The following ZMYM4 variants were observed in gnomAD, a reference collection of about 807,000 sequenced individuals.
ZMYM4 encodes zinc finger MYM-type protein 4.
A neutral mutation model predicts 183.2 loss-of-function variants in ZMYM4; 31 were observed. That is an observed-to-expected ratio of 0.17 (90% CI 0.13 to 0.23). The LOEUF is 0.23. Among genes scored for constraint, ZMYM4 ranks in the 10% least tolerant of loss-of-function variants. The pLI, the probability that ZMYM4 is intolerant of heterozygous loss-of-function variation, is 1.00. For missense variants in ZMYM4, 1,273 were observed against 1,840.3 expected, an observed-to-expected ratio of 0.69 and a Z score of 5.64; for synonymous variants, 592 against 631.2, an observed-to-expected ratio of 0.94 and a Z score of 0.93.
intron 2 of ZMYM4, among the ~76,000 whole-genome samples, chr1:35,356,685 C>G (rs1040952599): frequency 1.8e-4 from 27 of 152,132 alleles, no homozygotes; most frequent in Admixed American, 1.8e-3. Context: ...CTATCTCTTT[C>G]ATCATTTTAT....
intron 23 of ZMYM4, among the ~76,000 whole-genome samples, chr1:35,400,838 A>G (rs1644894630): frequency 6.6e-6 from 1 of 152,192 alleles, no homozygotes; most frequent in Admixed American, 6.5e-5. Context: ...GCCTTTTCTG[A>G]AATTTCACAT....
chr1:35,361,859 G>A (rs900799660), intron 5 of ZMYM4, 70 bp downstream of exon 5: 43 of 1,535,960 alleles, frequency 2.8e-5, no homozygotes, highest in East Asian at 9.1e-5. Flanking sequence ...GAGAGAGGAA[G>A]TGCTTAAGAA....
intron 2 of ZMYM4, among the ~76,000 whole-genome samples, chr1:35,334,191 TGCCTGTAGTCCCA>T (rs1642879578): frequency 6.6e-6 from 1 of 152,092 alleles, no homozygotes; most frequent in Admixed American, 6.6e-5. Context: ...TGGGGGCACA[TGCCTGTAGTCCCA>T]GCTACTTGAG....
chr1:35,280,883 A>G (rs1343731299), intron 1 of ZMYM4, among the ~76,000 whole-genome samples: 1 of 152,166 alleles, frequency 6.6e-6, no homozygotes, highest in African/African-American at 2.4e-5. Flanking sequence ...ATGAAGTCAT[A>G]TTCTGAGGAT....
intron 7 of ZMYM4, among the ~76,000 whole-genome samples, chr1:35,380,997 G>A (rs1644446978): frequency 6.6e-6 from 1 of 152,072 alleles, no homozygotes; most frequent in South Asian, 2.1e-4. Context: ...ATCATTTGAT[G>A]TTTTCCTTTT....
chr1:35,294,537 A>G (rs1429823505), intron 1 of ZMYM4, among the ~76,000 whole-genome samples: 1 of 152,138 alleles, frequency 6.6e-6, no homozygotes, highest in African/African-American at 2.4e-5. Flanking sequence ...CTTAAATATG[A>G]TACTGGTATG....
At chr1:35,282,780 T>G (rs933148594) in intron 1 of ZMYM4, among the ~76,000 whole-genome samples, 11 of 152,088 alleles carry the variant, frequency 7.2e-5, no homozygotes, top group Non-Finnish European at 1.6e-4. Context: ...GGTCTTGAAC[T>G]CCTGAGCTCA....
intron 2 of ZMYM4, among the ~76,000 whole-genome samples, chr1:35,352,262 C>CGT (rs1643639984): frequency 3.4e-5 from 2 of 58,810 alleles, no homozygotes. Context: ...AGCGCGCACG[C>CGT]GCGCGCGCAC....
chr1:35,269,663 T>C (rs935905025), intron 1 of ZMYM4, among the ~76,000 whole-genome samples: 1 of 152,184 alleles, frequency 6.6e-6, no homozygotes, highest in Non-Finnish European at 1.5e-5. Context: ...CTACTATGAA[T>C]GTCATGTTCT....
intron 2 of ZMYM4, among the ~76,000 whole-genome samples, chr1:35,344,234 A>G (rs1417782876): frequency 6.6e-6 from 1 of 151,792 alleles, no homozygotes; most frequent in Non-Finnish European, 1.5e-5. Flanking sequence ...TTATATTTTT[A>G]GTAGAGATGG....
intron 1 of ZMYM4, among the ~76,000 whole-genome samples, chr1:35,274,103 G>A (rs759918140): frequency 6.6e-6 from 1 of 152,006 alleles, no homozygotes; most frequent in African/African-American, 2.4e-5. Flanking sequence ...TCTCTTTTCT[G>A]TCTTTTTGCT....
chr1:35,389,557 A>G lies in ZMYM4; in HGVS notation c.2437-391A>G, dbSNP rs1205816759. ...ATCATGAGGTTAGGAGATCGAGACC[A>G]TCCTGGCTAACATGGTGAAACCCCG... On this transcript the variant is annotated intron_variant, in intron 14 of 29. Transcript: ENST00000314607. The surrounding 1 kb of genome is among the most constrained non-coding windows in gnomAD (Gnocchi z 4.0). Among the ~76,000 whole-genome samples the G allele has an allele frequency of 6.6e-6, 1 of 152,048 alleles. No individual in the cohort carries two copies. The highest frequency in any genetic ancestry group is 1.5e-5 in the Non-Finnish European group (1 of 68,000).
In ZMYM4 at chr1:35,297,372, G is replaced by A. The variant is rs1641070945; in HGVS notation, c.40-27988G>A. 1.3e-5 allele frequency among the ~76,000 whole-genome samples: 2 copies of A among 151,990 alleles called. 1 individual carries two copies. The highest frequency in any genetic ancestry group is 4.2e-4 in the South Asian group (2 of 4,818). On this transcript the variant is annotated intron_variant, in intron 1 of 29. Coordinates refer to ENST00000314607, the MANE Select transcript of ZMYM4 (RefSeq NM_005095.3). ...GCCAGGCATTTTGGCTTACACCTGA[G>A]GGTGAGATGGGAGGATGGTTTGAGC...
chr1:35,283,062 C>CATCTCA (rs1341091616), intron 1 of ZMYM4, among the ~76,000 whole-genome samples: 1 of 118,922 alleles, frequency 8.4e-6, no homozygotes, highest in Admixed American at 1.1e-4. Flanking sequence ...GCAGTGGTGC[C>CATCTCA]ATCTCACCAC....
At chr1:35,311,113 T>A (rs554855240) in intron 1 of ZMYM4, among the ~76,000 whole-genome samples, 1 of 152,198 alleles carries the variant, frequency 6.6e-6, no homozygotes, top group South Asian at 2.1e-4. Flanking sequence ...TAGTTTTGTG[T>A]TTTTGAGAAT....
At position 35,406,671 on chromosome 1, in the gene ZMYM4, A is replaced by T. The variant is rs1213143689; in HGVS notation, c.3796+1203A>T. On this transcript the variant is annotated intron_variant, in intron 25 of 29. Coordinates refer to ENST00000314607, the MANE Select transcript of ZMYM4 (RefSeq NM_005095.3). ...TTTCATTGAGAAATACTTACTGAAT[A>T]TCTCTCTTATATACCAGGTATGAAG... is the stretch of plus-strand genomic sequence containing the variant. Among the ~76,000 whole-genome samples the T allele has an allele frequency of 3.3e-5, 5 of 152,328 alleles. No individual in the cohort carries two copies. In the East Asian group the frequency reaches 9.6e-4, roughly 29 times the overall value.
rs1639440253 is a variant in ZMYM4 at position 35,268,901 on chromosome 1, C to T, written c.-146C>T. On this transcript the variant is annotated 5_prime_UTR_variant, in exon 1 of 30. Transcript: ENST00000314607. ...GCGGCCCGGCGCGCGGCATCCGCCCCCTCCCCACTCTCGGCGCAAGGCCCG... is the reference window on the plus strand; with the variant it reads ...GCGGCCCGGCGCGCGGCATCCGCCCTCTCCCCACTCTCGGCGCAAGGCCCG... 1.1e-6 allele frequency: 1 copy of T among 903,862 alleles called. No individual in the cohort carries two copies. The highest frequency in any genetic ancestry group is 4.9e-5 in the South Asian group (1 of 20,366). 56.0% of individuals were successfully genotyped at this position (903,862 alleles called of 1,614,324 possible).
intron 2 of ZMYM4, among the ~76,000 whole-genome samples, chr1:35,327,548 A>G (rs1642557728): frequency 6.6e-6 from 1 of 152,196 alleles, no homozygotes; most frequent in South Asian, 2.1e-4. Context: ...TTTTTAGACT[A>G]CCGTCTGACT....
At chr1:35,314,032 A>G (rs1570329340) in intron 1 of ZMYM4, among the ~76,000 whole-genome samples, 1 of 152,062 alleles carries the variant, frequency 6.6e-6, no homozygotes, top group Admixed American at 6.5e-5. Context: ...AAGCAGTCCA[A>G]GGTTTTTATT....
Sources: allele counts gnomAD v4.1 joint callset (sites outside exome capture counted in the v4.1 genomes callset), GRCh38; gene constraint gnomAD v4.1.1; non-coding constraint Gnocchi (gnomAD v3.1); transcripts MANE v1.5; gene names NCBI Gene and HGNC (gene_info 2026-07-23, HGNC 2026-07-21).